The following TNIK variants were observed in gnomAD, a reference collection of about 807,000 sequenced individuals.
The protein encoded by TNIK is TRAF2 and NCK-interacting protein kinase.
TNIK carries 49 observed loss-of-function variants against 191.3 expected under a neutral mutation model. The ratio of observed to expected loss-of-function variants is 0.26; its 90% CI spans 0.20 to 0.32. The LOEUF (loss-of-function observed/expected upper bound fraction) is 0.32, where lower values mean the gene tolerates loss of function less well. Among genes scored for constraint, TNIK ranks in the 10% least tolerant of loss-of-function variants. TNIK has a pLI of 1.00. For missense variants in TNIK, 1,155 were observed against 1,702.3 expected (o/e 0.68, Z 5.66); for synonymous variants, 594 against 600.9 (o/e 0.99, Z 0.17).
At chr3:171,200,529 G>C (rs9818860) in intron 4 of TNIK, among the ~76,000 whole-genome samples, 3,547 of 152,302 alleles carry the variant, frequency 0.023, 54 homozygotes, top group African/African-American at 0.044. Flanking sequence ...TCTCATAGAG[G>C]TTGGTCAGGG....
At chr3:171,194,275 AC>A (rs1738395738) in intron 5 of TNIK, among the ~76,000 whole-genome samples, 2 of 152,160 alleles carry the variant, frequency 1.3e-5, no homozygotes. Context: ...AAGAGAAATC[AC>A]CCAATGTCAA....
At chr3:171,428,441 C>T (rs184980709) in intron 1 of TNIK, among the ~76,000 whole-genome samples, 99 of 151,934 alleles carry the variant, frequency 6.5e-4, no homozygotes, top group African/African-American at 2.3e-3. Flanking sequence ...CTTTATCTCT[C>T]CCCCACCACT....
chr3:171,308,759 CAAAAG>C (rs1267996993), intron 2 of TNIK, among the ~76,000 whole-genome samples: 1 of 152,064 alleles, frequency 6.6e-6, no homozygotes, highest in African/African-American at 2.4e-5. Flanking sequence ...GAACACTTTT[CAAAAG>C]AAGACATACA....
intron 2 of TNIK, among the ~76,000 whole-genome samples, chr3:171,354,424 C>T (rs1300578645): frequency 6.6e-6 from 1 of 152,108 alleles, no homozygotes; most frequent in East Asian, 1.9e-4. Context: ...AGAAAACCTC[C>T]AGGACCTCGG....
intron 4 of TNIK, among the ~76,000 whole-genome samples, chr3:171,206,066 T>C (rs1486370874): frequency 6.6e-6 from 1 of 152,200 alleles, no homozygotes; most frequent in African/African-American, 2.4e-5. Flanking sequence ...AGGTACTTAC[T>C]AGCTTCCAGC....
chr3:171,098,654 G>A (rs994853203), intron 22 of TNIK, among the ~76,000 whole-genome samples: 5 of 152,142 alleles, frequency 3.3e-5, no homozygotes, highest in East Asian at 1.9e-4. Context: ...TTCATGGTGG[G>A]CACTGAGCTA....
intron 12 of TNIK, among the ~76,000 whole-genome samples, chr3:171,151,004 A>G (rs1052095735): frequency 3.3e-5 from 5 of 152,238 alleles, no homozygotes; most frequent in African/African-American, 1.2e-4. Context: ...ATAACAATAA[A>G]ATATTCACCC....
chr3:171,319,000 A>G (rs557678834), intron 2 of TNIK, among the ~76,000 whole-genome samples: 7 of 152,212 alleles, frequency 4.6e-5, no homozygotes, highest in Non-Finnish European at 8.8e-5. Flanking sequence ...CCCTGTCTAC[A>G]TAAAACTTAA....
chr3:171,331,170 C>G (rs1756385033), intron 2 of TNIK, among the ~76,000 whole-genome samples: 1 of 152,172 alleles, frequency 6.6e-6, no homozygotes, highest in South Asian at 2.1e-4. Context: ...TCTGGTGAAC[C>G]AGCTCCTTTC....
At chr3:171,340,032 G>A (rs923786) in intron 2 of TNIK, among the ~76,000 whole-genome samples, 103,463 of 152,086 alleles carry the variant, frequency 0.68, 36,050 homozygotes, top group African/African-American at 0.85. Flanking sequence ...TGGAATGCAT[G>A]ATAAAACTGT....
chr3:171,420,975 T>C (rs1320475541), intron 1 of TNIK, among the ~76,000 whole-genome samples: 1 of 152,170 alleles, frequency 6.6e-6, no homozygotes, highest in Non-Finnish European at 1.5e-5. Context: ...ATTTATGGAA[T>C]TTTCCATTTA....
chr3:171,188,340 CATCTT>C (rs1235251543), intron 7 of TNIK, among the ~76,000 whole-genome samples: 2 of 152,148 alleles, frequency 1.3e-5, no homozygotes, highest in African/African-American at 4.8e-5. Flanking sequence ...AACAAACTCA[CATCTT>C]AGTTTAACGT....
intron 2 of TNIK, among the ~76,000 whole-genome samples, chr3:171,232,660 GA>G (rs1173700544): frequency 6.6e-6 from 1 of 152,146 alleles, no homozygotes. Context: ...AAAGGAACAA[GA>G]AAGGCATCAA....
At chr3:171,296,432 C>T (rs1215467029) in intron 2 of TNIK, among the ~76,000 whole-genome samples, 5 of 152,124 alleles carry the variant, frequency 3.3e-5, no homozygotes, top group African/African-American at 1.2e-4. Flanking sequence ...GTGGAGGTTC[C>T]CCAGATAATG....
intron 2 of TNIK, among the ~76,000 whole-genome samples, chr3:171,334,881 T>C (rs925864967): frequency 1.3e-5 from 2 of 151,988 alleles, no homozygotes; most frequent in African/African-American, 2.4e-5. Context: ...GTTTCTTTTT[T>C]TTTTTTTTAC....
intron 2 of TNIK, among the ~76,000 whole-genome samples, chr3:171,357,473 G>A (rs1185365554): frequency 2.6e-5 from 4 of 151,794 alleles, no homozygotes; most frequent in Non-Finnish European, 5.9e-5. Flanking sequence ...ATTTTTAGCA[G>A]AGACGGGGTT....
At chr3:171,390,378 T>C (rs1000063995) in intron 1 of TNIK, among the ~76,000 whole-genome samples, 4 of 152,174 alleles carry the variant, frequency 2.6e-5, no homozygotes, top group African/African-American at 9.7e-5. Context: ...AAATAAATAA[T>C]AACTATGCAA....
chr3:171,287,033 T>C (rs1358719320), intron 2 of TNIK, among the ~76,000 whole-genome samples: 1 of 152,214 alleles, frequency 6.6e-6, no homozygotes, highest in Non-Finnish European at 1.5e-5. Flanking sequence ...ACAATGTTGT[T>C]CTCATAGAAA....
chr3:171,079,706 T>G (rs1720424503), intron 27 of TNIK, 54 bp from the exon 28 acceptor site: 3 of 1,541,182 alleles, frequency 1.9e-6, no homozygotes, highest in Non-Finnish European at 2.6e-6. Context: ...TCTCACTTTT[T>G]CCTTCCCCAC....
Sources: gnomAD v4.1 joint callset for allele counts (sites outside exome capture counted in the v4.1 genomes callset) on GRCh38, gnomAD v4.1.1 for gene constraint, MANE v1.5 for transcripts, NCBI Gene and HGNC (gene_info 2026-07-23, HGNC 2026-07-21) for gene names.